The following KCNH5 variants were observed in gnomAD, a reference collection of about 807,000 sequenced individuals.
KCNH5 encodes voltage-gated delayed rectifier potassium channel KCNH5.
In KCNH5, 46 loss-of-function variants were observed where a neutral mutation model predicts 96.1. That is an observed-to-expected ratio of 0.48 (90% CI 0.38 to 0.61). KCNH5 has a LOEUF of 0.61. Ranked by LOEUF, KCNH5 falls within the 20% of genes least tolerant of loss-of-function variation. KCNH5 has a pLI of 0.00. For missense variants in KCNH5, 907 were observed against 1,225.8 expected, an observed-to-expected ratio of 0.74 and a Z score of 3.88; for synonymous variants, 439 against 449.8, an observed-to-expected ratio of 0.98 and a Z score of 0.30.
chr14:63,020,831 C>G (rs185501345), intron 1 of KCNH5, among the ~76,000 whole-genome samples: 1 of 152,054 alleles, frequency 6.6e-6, no homozygotes, highest in Non-Finnish European at 1.5e-5. Flanking sequence ...ATAACTCCGT[C>G]TGACCAGAGA....
chr14:62,717,935 A>T (rs1365694729), intron 10 of KCNH5, among the ~76,000 whole-genome samples: 1 of 152,252 alleles, frequency 6.6e-6, no homozygotes, highest in Non-Finnish European at 1.5e-5. Context: ...AATACTATGC[A>T]GCCACAAAAA....
intron 7 of KCNH5, among the ~76,000 whole-genome samples, chr14:62,937,555 T>C (rs773848169): frequency 1.8e-4 from 27 of 152,174 alleles, no homozygotes; most frequent in Non-Finnish European, 3.7e-4. Context: ...CATTTCTTTT[T>C]CACAGAAGTA....
At chr14:62,980,614 G>T (rs752854280) in intron 6 of KCNH5, among the ~76,000 whole-genome samples, 1 of 152,044 alleles carries the variant, frequency 6.6e-6, no homozygotes, top group Admixed American at 6.6e-5. Context: ...TTCAAATGCC[G>T]CCGCTTTTCT....
intron 10 of KCNH5, among the ~76,000 whole-genome samples, chr14:62,763,974 A>T (rs1435728978): frequency 6.6e-6 from 1 of 152,004 alleles, no homozygotes; most frequent in Non-Finnish European, 1.5e-5. Flanking sequence ...AGCTGGTACC[A>T]ATACTATTCC....
intron 7 of KCNH5, among the ~76,000 whole-genome samples, chr14:62,921,196 G>A (rs760752948): frequency 3.9e-5 from 6 of 152,060 alleles, no homozygotes; most frequent in African/African-American, 7.2e-5. Context: ...AGCATGTTCC[G>A]TAATTAAACA....
intron 7 of KCNH5, among the ~76,000 whole-genome samples, chr14:62,905,492 C>T (rs1019079704): frequency 6.6e-6 from 1 of 152,090 alleles, no homozygotes; most frequent in African/African-American, 2.4e-5. Flanking sequence ...CATTCTCCTT[C>T]ATTGAGGGGG....
intron 7 of KCNH5, among the ~76,000 whole-genome samples, chr14:62,897,072 T>C (rs1888828529): frequency 6.6e-6 from 1 of 152,342 alleles, no homozygotes; most frequent in Admixed American, 6.5e-5. Flanking sequence ...CTGTGAGCAG[T>C]GGCTAGAACT....
chr14:62,763,557 T>C (rs763035432), intron 10 of KCNH5, among the ~76,000 whole-genome samples: 8 of 151,954 alleles, frequency 5.3e-5, no homozygotes, highest in East Asian at 1.9e-4. Context: ...CTGAACAAAA[T>C]TGAAACGTGA....
chr14:62,938,198 TAG>T (rs1889721591), intron 7 of KCNH5, among the ~76,000 whole-genome samples: 1 of 152,208 alleles, frequency 6.6e-6, no homozygotes, highest in East Asian at 1.9e-4. Context: ...TTAAAGGAGA[TAG>T]AGTCTAAAAA....
intron 7 of KCNH5, among the ~76,000 whole-genome samples, chr14:62,939,090 C>T (rs2140121846): frequency 6.6e-6 from 1 of 152,240 alleles, no homozygotes; most frequent in Admixed American, 6.5e-5. Flanking sequence ...GGCTCTCTCC[C>T]CTCAACTAGC....
intron 6 of KCNH5, among the ~76,000 whole-genome samples, chr14:62,977,179 T>C (rs1460464095): frequency 6.6e-6 from 1 of 152,008 alleles, no homozygotes; most frequent in Non-Finnish European, 1.5e-5. Flanking sequence ...AAGACCAGAC[T>C]GGCCATCATG....
chr14:62,984,204 C>T (rs1372891119), intron 5 of KCNH5, among the ~76,000 whole-genome samples: 2 of 152,130 alleles, frequency 1.3e-5, no homozygotes, highest in African/African-American at 4.8e-5. Context: ...CCAATACAGA[C>T]ACATTCTTCC....
intron 10 of KCNH5, among the ~76,000 whole-genome samples, chr14:62,744,392 G>C (rs1182185381): frequency 1.3e-5 from 2 of 152,242 alleles, no homozygotes; most frequent in East Asian, 1.9e-4. Context: ...CTTCAGAAGT[G>C]TCAGATATTA....
intron 1 of KCNH5, among the ~76,000 whole-genome samples, chr14:63,041,573 G>C (rs1891824888): frequency 6.6e-6 from 1 of 152,024 alleles, no homozygotes. Context: ...GAGTAATAAT[G>C]TTCTCTATAT....
At chr14:62,949,965 A>G (rs1246402823) in intron 7 of KCNH5, 168 bp downstream of exon 7, 1 of 611,920 alleles carries the variant, frequency 1.6e-6, no homozygotes, top group Non-Finnish European at 2.8e-6. Context: ...AGTAAAATAT[A>G]TTATTTTGCA....
intron 1 of KCNH5, among the ~76,000 whole-genome samples, chr14:63,039,652 T>C (rs544078134): frequency 2.1e-4 from 32 of 152,230 alleles, no homozygotes; most frequent in African/African-American, 7.0e-4. Flanking sequence ...AAGAAAATGC[T>C]CTATTAGTCT....
chr14:63,036,682 G>C (rs536740084), intron 1 of KCNH5, among the ~76,000 whole-genome samples: 2 of 152,210 alleles, frequency 1.3e-5, no homozygotes, highest in African/African-American at 4.8e-5. Flanking sequence ...TCCCTGAAAA[G>C]TAGGATGGAG....
At chr14:62,915,990 T>TG (rs1889266940) in intron 7 of KCNH5, among the ~76,000 whole-genome samples, 1 of 151,080 alleles carries the variant, frequency 6.6e-6, no homozygotes, top group Non-Finnish European at 1.5e-5. Flanking sequence ...AGTCTCGCTT[T>TG]GTCTCCCAGG....
At chr14:62,983,541 A>G (rs1475390083) in intron 5 of KCNH5, among the ~76,000 whole-genome samples, 2 of 152,232 alleles carry the variant, frequency 1.3e-5, no homozygotes, top group East Asian at 3.9e-4. Context: ...AACATCCTAT[A>G]GACCCGTAAA....
Sources: gnomAD v4.1 joint callset for allele counts (sites outside exome capture counted in the v4.1 genomes callset) on GRCh38, gnomAD v4.1.1 for gene constraint, MANE v1.5 for transcripts, NCBI Gene and HGNC (gene_info 2026-07-23, HGNC 2026-07-21) for gene names.